Variants in GSTO2 observed in about 807,000 individuals in gnomAD.
GSTO2 encodes the protein glutathione S-transferase omega-2.
In GSTO2, 23 loss-of-function variants were observed where a neutral mutation model predicts 28.4. The ratio of observed to expected loss-of-function variants is 0.81; its 90% confidence interval spans 0.58 to 1.15. GSTO2 has a LOEUF of 1.15. Ranked by LOEUF, GSTO2 falls within the 50% of genes most tolerant of loss-of-function variation. The pLI, the probability that GSTO2 is intolerant of heterozygous loss-of-function variation, is 0.00. For synonymous variants in GSTO2, 109 were observed against 111.0 expected (o/e 0.98, Z 0.11); for missense variants, 298 against 297.8 (o/e 1.00, Z 0.00).
At chr10:104,292,065 GA>G (rs1217475923) in intron 5 of GSTO2, among the ~76,000 whole-genome samples, 2 of 152,166 alleles carry the variant, frequency 1.3e-5, no homozygotes, top group Non-Finnish European at 2.9e-5. Flanking sequence ...CCTTATAGGG[GA>G]TATCTGGGGT....
chr10:104,282,182 C>A (rs973501058), intron 5 of GSTO2, among the ~76,000 whole-genome samples: 5 of 148,752 alleles, frequency 3.4e-5, no homozygotes, highest in African/African-American at 1.0e-4. Context: ...GCCAAGACTG[C>A]GCCACTGCAC....
intron 5 of GSTO2, among the ~76,000 whole-genome samples, chr10:104,293,017 G>T (rs764399920): frequency 3.9e-5 from 6 of 152,194 alleles, no homozygotes; most frequent in Admixed American, 1.3e-4. Flanking sequence ...GTACAAGAAA[G>T]AACTATTTTA....
intron 4 of GSTO2, 119 bp downstream of exon 4, chr10:104,278,235 C>A: frequency 2.7e-6 from 2 of 730,266 alleles, no homozygotes; most frequent in South Asian, 3.5e-5. Flanking sequence ...ACCATGTGAT[C>A]CTCAGGAGAT....
chr10:104,278,169 C>A, intron 4 of GSTO2, 53 bp downstream of exon 4: 1 of 1,417,714 alleles, frequency 7.1e-7, no homozygotes, highest in Non-Finnish European at 9.8e-7. Context: ...GCATGTCTTT[C>A]CCAAACCTCA....
intron 1 of GSTO2, among the ~76,000 whole-genome samples, chr10:104,272,152 A>G (rs958507865): frequency 3.3e-5 from 5 of 152,194 alleles, no homozygotes; most frequent in African/African-American, 1.2e-4. Flanking sequence ...GAGACTGTGC[A>G]TGTGCGGGGG....
intron 5 of GSTO2, among the ~76,000 whole-genome samples, chr10:104,281,543 A>G (rs989373488): frequency 1.3e-5 from 2 of 152,244 alleles, no homozygotes; most frequent in Admixed American, 6.5e-5. Flanking sequence ...TGATGGAGAT[A>G]CAGTTCTTCT....
At position 104,300,930 on chromosome 10, in the gene GSTO2, C is replaced by T. The variant is rs1193615849; in HGVS notation, c.*1646C>T. On this transcript the variant is annotated 3_prime_UTR_variant, in exon 7 of 7. Coordinates refer to ENST00000338595, the MANE Select transcript of GSTO2 (RefSeq NM_183239.2). ...CCATGTAAATAGTTACCAGGTGTTACTCTGTGCCAGCTGGACAGAAACAAG... is the reference window on the plus strand; with the variant it reads ...CCATGTAAATAGTTACCAGGTGTTATTCTGTGCCAGCTGGACAGAAACAAG... 1.3e-5 allele frequency: 2 copies of T among 152,308 alleles called. No homozygotes were observed. Among genetic ancestry groups the T allele is most frequent in the African/African-American group, 4.8e-5 (2 of 41,454 alleles). The allele number at this position is 152,308 out of a possible 1,614,324, so 9.4% of individuals were successfully genotyped here. A position where few individuals can be genotyped will look rare whatever the true frequency, so the allele number is the denominator to read the frequency against.
chr10:104,299,156 C>G lies in GSTO2; in HGVS notation c.604C>G (p.Leu202Val). Residue 202 changes from leucine to valine, a missense_variant, in exon 7 of 7, where the codon CTC becomes GTC. Coordinates refer to ENST00000338595, the MANE Select transcript of GSTO2 (RefSeq NM_183239.2). ...DCVSHTPALR[L>V]WISAMKWDPT... ...TGTGAGCCACACGCCAGCCCTGCGG[C>G]TCTGGATATCAGCCATGAAGTGGGA... 1 of 1,614,206 alleles carries G rather than the reference C, an allele frequency of 6.2e-7. No individual in the cohort carries two copies. Among genetic ancestry groups the G allele is most frequent in the Non-Finnish European group, 8.5e-7 (1 of 1,180,014 alleles).
At chr10:104,277,048 G>T (rs1218723411) in intron 3 of GSTO2, among the ~76,000 whole-genome samples, 1 of 152,098 alleles carries the variant, frequency 6.6e-6, no homozygotes, top group Non-Finnish European at 1.5e-5. Context: ...GTAATTATTA[G>T]CCCCATTTTA....
rs2013219399 is a variant in GSTO2, at chr10:104,300,270, T to A, written c.*986T>A. The A allele has an allele frequency of 6.6e-6, 1 of 152,148 alleles. No homozygotes were observed. Among genetic ancestry groups the A allele is most frequent in the Admixed American group, 6.6e-5 (1 of 15,264 alleles). 9.4% of individuals were successfully genotyped at this position (152,148 alleles called of 1,614,324 possible). On this transcript the variant is annotated 3_prime_UTR_variant, in exon 7 of 7. Coordinates refer to ENST00000338595, the MANE Select transcript of GSTO2 (RefSeq NM_183239.2). ...TAGCCGGCATCCTGCCTTAAAAAAATACACACGCCCCAAACCCAGCCACAA... is the reference window on the plus strand; with the variant it reads ...TAGCCGGCATCCTGCCTTAAAAAAAAACACACGCCCCAAACCCAGCCACAA...
Position 104,304,095 on chromosome 10 carries a change from A to G in GSTO2, c.*4811A>G, listed in dbSNP as rs2013335358. 1 of 152,226 alleles carries G rather than the reference A, an allele frequency of 6.6e-6. No homozygotes were observed. Among genetic ancestry groups the G allele is most frequent in the African/African-American group, 2.4e-5 (1 of 41,446 alleles). The allele number at this position is 152,226 out of a possible 1,614,324, so 9.4% of individuals were successfully genotyped here. On this transcript the variant is annotated 3_prime_UTR_variant, in exon 7 of 7. Coordinates refer to ENST00000338595, the MANE Select transcript of GSTO2 (RefSeq NM_183239.2). ...CAGCCTAGCTTAGTTTGTTTTCTGA[A>G]GTCTTCACAAATAACCAAATATCCA... is the stretch of plus-strand genomic sequence containing the variant.
intron 5 of GSTO2, among the ~76,000 whole-genome samples, chr10:104,289,316 G>A (rs950965594): frequency 1.3e-5 from 2 of 152,120 alleles, no homozygotes; most frequent in East Asian, 1.9e-4. Context: ...GACTGGTCTC[G>A]AACTTCTGGG....
At chr10:104,292,317 C>G (rs2012814385) in intron 5 of GSTO2, among the ~76,000 whole-genome samples, 1 of 151,542 alleles carries the variant, frequency 6.6e-6, no homozygotes, top group South Asian at 2.1e-4. Flanking sequence ...CACCACTACA[C>G]CCAGCTAACT....
At chr10:104,270,801 A>AG (rs1367255648) in intron 1 of GSTO2, among the ~76,000 whole-genome samples, 2 of 152,248 alleles carry the variant, frequency 1.3e-5, no homozygotes, top group Non-Finnish European at 1.5e-5. Flanking sequence ...GTGACAAAAA[A>AG]TTTTGAAAAG....
chr10:104,278,760 C>T (rs376377164), intron 4 of GSTO2, among the ~76,000 whole-genome samples: 7 of 152,258 alleles, frequency 4.6e-5, no homozygotes, highest in East Asian at 1.9e-4. Flanking sequence ...GGATTACAGA[C>T]GTGAGCCACT....
chr10:104,274,684 G>A lies in GSTO2; in HGVS notation c.-231-1G>A. 1 of 581,570 alleles carries A rather than the reference G, an allele frequency of 1.7e-6. No individual in the cohort carries two copies. Among genetic ancestry groups the A allele is most frequent in the Non-Finnish European group, 3.0e-6 (1 of 331,956 alleles). 36.0% of individuals were successfully genotyped at this position (581,570 alleles called of 1,614,324 possible). A position where few individuals can be genotyped will look rare whatever the true frequency, so the allele number is the denominator to read the frequency against. The stretch of plus-strand genomic sequence containing the variant: ...TTTTGTCTTGTTTTGTTTTTTGCCA[G>A]CTCCTACTCTCGGGCTTCCAAATCT... On this transcript the variant is annotated splice_acceptor_variant, in intron 1 of 6. Transcript: ENST00000338595. LOFTEE classifies it low-confidence loss of function (5UTR_SPLICE).
chr10:104,304,767 T>A lies in GSTO2; in HGVS notation c.*5483T>A, dbSNP rs970095027. 1 of 152,096 alleles carries A rather than the reference T, an allele frequency of 6.6e-6. No individual in the cohort carries two copies. The highest frequency in any genetic ancestry group is 1.5e-5 in the Non-Finnish European group (1 of 68,032). The allele number at this position is 152,096 out of a possible 1,614,324, so 9.4% of individuals were successfully genotyped here. On this transcript the variant is annotated 3_prime_UTR_variant, in exon 7 of 7. Transcript: ENST00000338595. ...ACATGGCTTGATTCATGGTTTGGAG[T>A]TGTTTTCTGGTTGTTTCCTGTGTGC...
chr10:104,286,550 A>G (rs1335905659), intron 5 of GSTO2, among the ~76,000 whole-genome samples: 1 of 152,216 alleles, frequency 6.6e-6, no homozygotes, highest in African/African-American at 2.4e-5. Flanking sequence ...GCATGAATAT[A>G]CGTTGTTATT....
At chr10:104,284,018 G>GT (rs202161194) in intron 5 of GSTO2, among the ~76,000 whole-genome samples, 4,278 of 133,422 alleles carry the variant, frequency 0.032, 112 homozygotes, top group East Asian at 0.1. Context: ...AACTTTTTAA[G>GT]TTTTTTTTTT....
Sources: allele counts gnomAD v4.1 joint callset (sites outside exome capture counted in the v4.1 genomes callset), GRCh38; gene constraint gnomAD v4.1.1; transcripts MANE v1.5; gene names NCBI Gene and HGNC (gene_info 2026-07-23, HGNC 2026-07-21).